The following TSPEAR variants were observed in gnomAD, a reference collection of about 807,000 sequenced individuals.
TSPEAR encodes the protein thrombospondin type laminin G domain and EAR repeats, also known as thrombospondin-type laminin G domain and EAR repeat-containing protein.
Under a neutral mutation model 71.6 loss-of-function variants are expected in TSPEAR, and 69 were observed. The ratio of observed to expected loss-of-function variants is 0.96; its 90% CI spans 0.79 to 1.18. TSPEAR has a LOEUF of 1.18. Among genes scored for constraint, TSPEAR ranks in the 50% most tolerant of loss-of-function variants. TSPEAR has a pLI of 0.00. For missense variants in TSPEAR, 971 were observed against 894.9 expected (o/e 1.09, Z -1.09); for synonymous variants, 402 against 387.2 (o/e 1.04, Z -0.45).
At chr21:44,505,554 ACCCCCTC>A (rs1240222982) in intron 10 of TSPEAR, among the ~76,000 whole-genome samples, 45 of 7,054 alleles carry the variant, frequency 6.4e-3, no homozygotes, top group African/African-American at 0.013. Context: ...AGTAAACATC[ACCCCCTC>A]CCCCCTCCCC....
At chr21:44,653,094 C>T (rs1177517099) in intron 1 of TSPEAR, among the ~76,000 whole-genome samples, 1 of 152,038 alleles carries the variant, frequency 6.6e-6, no homozygotes, top group Non-Finnish European at 1.5e-5. Context: ...GGAGGTGGAG[C>T]TTGCAGTGAG....
intron 1 of TSPEAR, among the ~76,000 whole-genome samples, chr21:44,572,249 C>T (rs1320147909): frequency 4.6e-5 from 7 of 152,122 alleles, no homozygotes; most frequent in African/African-American, 1.7e-4. Flanking sequence ...CCAGAGAAGT[C>T]GAGGAGACCT....
At position 44,594,285 on chromosome 21, in the gene TSPEAR, T is replaced by C. The variant is rs183601403; in HGVS notation, c.83-26280A>G. On this transcript the variant is annotated intron_variant, in intron 1 of 11. Transcript: ENST00000323084. The stretch of plus-strand genomic sequence containing the variant: ...AAACTTTTGCCATTGAGAAATCAAA[T>C]GTAAAGTGGGGAAGGGGACAAGATG... Among the ~76,000 whole-genome samples the C allele has an allele frequency of 5.3e-5, 8 of 152,170 alleles. No individual in the cohort carries two copies. The East Asian group carries it at 1.2e-3, about 22-fold the overall frequency.
At chr21:44,555,300 T>TA (rs2146040733) in intron 2 of TSPEAR, among the ~76,000 whole-genome samples, 1 of 152,218 alleles carries the variant, frequency 6.6e-6, no homozygotes, top group South Asian at 2.1e-4. Context: ...CATTAAACAG[T>TA]AACGGGAGGG....
chr21:44,637,928 C>A (rs2146221321), intron 1 of TSPEAR: 5 of 1,613,038 alleles, frequency 3.1e-6, no homozygotes, highest in Non-Finnish European at 4.2e-6. Flanking sequence ...ATGCTGCCAG[C>A]AGTCTAGCTG....
chr21:44,523,896 T>C (rs1224941319), intron 8 of TSPEAR, among the ~76,000 whole-genome samples: 2 of 151,306 alleles, frequency 1.3e-5, no homozygotes, highest in African/African-American at 4.9e-5. Flanking sequence ...GTCAGGTTAT[T>C]AATCAGTCAG....
intron 1 of TSPEAR, among the ~76,000 whole-genome samples, chr21:44,672,812 C>T (rs946100954): frequency 5.9e-5 from 9 of 152,108 alleles, no homozygotes; most frequent in South Asian, 2.1e-4. Context: ...TGAGTTCTCA[C>T]GAGATCTGGT....
rs587750160 is a variant in TSPEAR, at chr21:44,551,522, G to A, written c.303+16263C>T. 5.2e-6 allele frequency: 8 copies of A among 1,539,136 alleles called. No homozygotes were observed. In the African/African-American group the frequency reaches 8.2e-5, roughly 16 times the overall value. ...AGTGAGTGAGTGTGTGTGTGAGTGT[G>A]TGAGTGAGTGTGTGTGTGAGCCTGT... On this transcript the variant is annotated intron_variant, in intron 2 of 11. Transcript: ENST00000323084.
At chr21:44,639,908 T>C (rs1380868935) in intron 1 of TSPEAR, among the ~76,000 whole-genome samples, 5 of 152,236 alleles carry the variant, frequency 3.3e-5, no homozygotes, top group Non-Finnish European at 5.9e-5. Context: ...TGACTCCTAC[T>C]CTGGGTCCTC....
At chr21:44,576,498 T>C (rs76928533) in intron 1 of TSPEAR, among the ~76,000 whole-genome samples, 11 of 138,394 alleles carry the variant, frequency 7.9e-5, no homozygotes, top group African/African-American at 2.9e-4. Context: ...GACACATGGA[T>C]GTCCCAGGGT....
Position 44,499,698 on chromosome 21 carries a change from C to T in TSPEAR, c.*85G>A, listed in dbSNP as rs2051988639. On this transcript the variant is annotated 3_prime_UTR_variant, in exon 12 of 12. Coordinates refer to ENST00000323084, the MANE Select transcript of TSPEAR (RefSeq NM_144991.3). ...GGCCCGGGATGCCCTAGGCTGGGCC[C>T]ACCTGGACGTCCAGGGTCAGTTGGG... The T allele has an allele frequency of 1.4e-6, 2 of 1,407,828 alleles. No individual in the cohort carries two copies. Among genetic ancestry groups the T allele is most frequent in the Non-Finnish European group, 1.9e-6 (2 of 1,065,526 alleles). The allele number at this position is 1,407,828 out of a possible 1,614,324, so 87.2% of individuals were successfully genotyped here. A position where few individuals can be genotyped will look rare whatever the true frequency, so the allele number is the denominator to read the frequency against.
At chr21:44,515,436 GCTTC>G (rs2052535723) in intron 9 of TSPEAR, 1 of 152,388 alleles carries the variant, frequency 6.6e-6, no homozygotes, top group Admixed American at 6.5e-5. Flanking sequence ...CTGCAGCCGT[GCTTC>G]CTTCTGTCTG....
intron 9 of TSPEAR, chr21:44,517,691 C>T (rs1304213888): frequency 5.7e-5 from 26 of 452,922 alleles, no homozygotes; most frequent in Admixed American, 3.2e-4. Context: ...ATGTGGGAGC[C>T]GTGCATGGCA....
rs1555928414 is a variant in TSPEAR, at chr21:44,600,765, C to T, written c.83-32760G>A. The T allele has an allele frequency of 4.4e-6, 7 of 1,598,004 alleles. 1 individual carries two copies. Among genetic ancestry groups the T allele is most frequent in the Non-Finnish European group, 6.0e-6 (7 of 1,175,456 alleles). ...GCTGCTGCGAGCCCCCCTGCTGCGCCCCGGCCCCCTGCCTGAGCCTGGTCT... is the reference window on the plus strand; with the variant it reads ...GCTGCTGCGAGCCCCCCTGCTGCGCTCCGGCCCCCTGCCTGAGCCTGGTCT... On this transcript the variant is annotated intron_variant, in intron 1 of 11. Coordinates refer to ENST00000323084, the MANE Select transcript of TSPEAR (RefSeq NM_144991.3).
At chr21:44,558,837 G>A in intron 2 of TSPEAR, 1 of 1,310,588 alleles carries the variant, frequency 7.6e-7, no homozygotes. Context: ...ACCCCTCTGT[G>A]TTGATTGTGC....
chr21:44,528,559 C>T lies in TSPEAR; in HGVS notation c.815G>A (p.Gly272Glu). 6.2e-7 allele frequency: 1 copy of T among 1,614,030 alleles called. No homozygotes were observed. Among genetic ancestry groups the T allele is most frequent in the South Asian group, 1.1e-5 (1 of 91,068 alleles). The change falls in exon 6 of 12, where the codon GGA becomes GAA. Residue 272 changes from glycine (G) to glutamate (E), a missense_variant. Physicochemically the swap from Gly to Glu is moderately conservative, Grantham distance 98. Transcript: ENST00000323084. ...PYETNIRVTL[G>E]PQPPCTEVED... is the part of the protein sequence containing the mutation. ...CACCTCGGTACACGGTGGCTGGGGT[C>T]CCAGCGTCACTCGAATGTTGGTTTC...
Position 44,546,667 on chromosome 21 carries a change from T to C in TSPEAR, c.304-12744A>G, listed in dbSNP as rs2053308547. Among the ~76,000 whole-genome samples, 1 of 152,350 alleles carries C rather than the reference T, an allele frequency of 6.6e-6. No individual in the cohort carries two copies. Among genetic ancestry groups the C allele is most frequent in the East Asian group, 1.9e-4 (1 of 5,186 alleles). ...GAAGGATAATTTTGTCAGATGCTGA[T>C]GCCTTTTTGGTTGTTGGTTTCCCCT... On this transcript the variant is annotated intron_variant, in intron 2 of 11. Transcript: ENST00000323084. The surrounding 1 kb of genome is among the most constrained non-coding windows in gnomAD (Gnocchi z 4.4).
At chr21:44,502,265 A>C (rs1206349351) in intron 11 of TSPEAR, among the ~76,000 whole-genome samples, 2 of 152,202 alleles carry the variant, frequency 1.3e-5, no homozygotes, top group Non-Finnish European at 2.9e-5. Flanking sequence ...GACAGCTGCC[A>C]CTTCTGCCGC....
intron 1 of TSPEAR, among the ~76,000 whole-genome samples, chr21:44,594,130 G>A (rs1980195629): frequency 6.6e-6 from 1 of 152,212 alleles, no homozygotes; most frequent in South Asian, 2.1e-4. Context: ...ACAGGCCCTG[G>A]CAAGTCCAGG....
Sources: gnomAD v4.1 joint callset for allele counts (sites outside exome capture counted in the v4.1 genomes callset) on GRCh38, gnomAD v4.1.1 for gene constraint, Gnocchi (gnomAD v3.1) non-coding constraint, MANE v1.5 for transcripts, NCBI Gene and HGNC (gene_info 2026-07-23, HGNC 2026-07-21) for gene names.